Variants in MEIKIN observed in about 807,000 individuals in gnomAD.
MEIKIN encodes meiotic kinetochore factor.
At chr5:131,876,787 G>A (rs1240749496) in intron 9 of MEIKIN, among the ~76,000 whole-genome samples, 122 of 151,696 alleles carry the variant, frequency 8.0e-4, no homozygotes, top group South Asian at 3.1e-3. Context: ...AAAATGTGGC[G>A]CATATATACC....
chr5:131,940,611 T>C (rs1299610135), intron 4 of MEIKIN, among the ~76,000 whole-genome samples: 2 of 152,214 alleles, frequency 1.3e-5, no homozygotes, highest in East Asian at 1.9e-4. Context: ...TCTGAGAATC[T>C]GTTTATATGG....
intron 8 of MEIKIN, among the ~76,000 whole-genome samples, chr5:131,885,056 C>G (rs1455416824): frequency 1.3e-5 from 2 of 152,146 alleles, no homozygotes; most frequent in Non-Finnish European, 2.9e-5. Context: ...CACTCTAATT[C>G]CTGGCTCATG....
At chr5:131,811,171 A>C (rs1038719799) in intron 12 of MEIKIN, among the ~76,000 whole-genome samples, 3 of 152,126 alleles carry the variant, frequency 2.0e-5, no homozygotes, top group Admixed American at 2.0e-4. Context: ...TGTAAATTAA[A>C]CTAAAAAACT....
chr5:131,852,707 A>C (rs1750135296), intron 10 of MEIKIN, among the ~76,000 whole-genome samples: 1 of 152,154 alleles, frequency 6.6e-6, no homozygotes, highest in Non-Finnish European at 1.5e-5. Flanking sequence ...TAGGGTGATG[A>C]AAATGTTCTT....
intron 8 of MEIKIN, among the ~76,000 whole-genome samples, chr5:131,887,692 T>A (rs1484978951): frequency 6.6e-6 from 1 of 152,034 alleles, no homozygotes; most frequent in East Asian, 1.9e-4. Flanking sequence ...TTTTTTCTTG[T>A]AAATTTGTTT....
chr5:131,879,639 A>G (rs1464770416), intron 8 of MEIKIN, among the ~76,000 whole-genome samples: 1 of 152,200 alleles, frequency 6.6e-6, no homozygotes, highest in Non-Finnish European at 1.5e-5. Flanking sequence ...AGATCTGTCC[A>G]CATATACCAA....
chr5:131,816,140 C>A (rs1269123580), intron 12 of MEIKIN, among the ~76,000 whole-genome samples: 1 of 152,138 alleles, frequency 6.6e-6, no homozygotes, highest in Non-Finnish European at 1.5e-5. Flanking sequence ...AGAGTTGTAG[C>A]ATGTTAGGCA....
chr5:131,879,196 A>C (rs1750663695), intron 8 of MEIKIN, 148 bp from the exon 9 acceptor site: 2 of 390,610 alleles, frequency 5.1e-6, no homozygotes, highest in Admixed American at 8.9e-5. Context: ...CAATAATTAA[A>C]CAAGAAAAAT....
At chr5:131,825,439 G>C (rs138645942) in intron 11 of MEIKIN, among the ~76,000 whole-genome samples, 3 of 152,224 alleles carry the variant, frequency 2.0e-5, no homozygotes, top group Non-Finnish European at 4.4e-5. Flanking sequence ...AAAGACATAG[G>C]GCCAAAACAA....
intron 11 of MEIKIN, among the ~76,000 whole-genome samples, chr5:131,822,336 T>A (rs553195664): frequency 6.6e-6 from 1 of 152,290 alleles, no homozygotes; most frequent in South Asian, 2.1e-4. Flanking sequence ...TTTATTATTT[T>A]TTTTTCTGGT....
intron 11 of MEIKIN, among the ~76,000 whole-genome samples, chr5:131,848,941 T>C (rs768744304): frequency 2.0e-5 from 3 of 152,132 alleles, no homozygotes; most frequent in South Asian, 2.1e-4. Context: ...ATACCACATA[T>C]AGTAGAATGA....
At chr5:131,810,108 G>T (rs183563432) in intron 12 of MEIKIN, among the ~76,000 whole-genome samples, 332 of 152,294 alleles carry the variant, frequency 2.2e-3, no homozygotes, top group Middle Eastern at 0.02. Flanking sequence ...ATTCTTAAGT[G>T]ATTTGTACTA....
chr5:131,863,250 C>A (rs1249661679), intron 9 of MEIKIN, among the ~76,000 whole-genome samples: 1 of 152,006 alleles, frequency 6.6e-6, no homozygotes, highest in Admixed American at 6.6e-5. Flanking sequence ...ATGAGAAGAA[C>A]GTTAATATGT....
chr5:131,811,350 T>C (rs955639620), intron 12 of MEIKIN, among the ~76,000 whole-genome samples: 13 of 152,006 alleles, frequency 8.6e-5, no homozygotes, highest in East Asian at 3.9e-4. Context: ...CTTTTCTTTT[T>C]TTTTTTTTTA....
intron 4 of MEIKIN, among the ~76,000 whole-genome samples, chr5:131,941,364 G>T (rs1751868144): frequency 6.6e-6 from 1 of 151,554 alleles, no homozygotes; most frequent in South Asian, 2.1e-4. Flanking sequence ...TCACCATGTT[G>T]GCCAGGCTGG....
At chr5:131,853,288 C>T (rs755350399) in intron 10 of MEIKIN, among the ~76,000 whole-genome samples, 8 of 152,270 alleles carry the variant, frequency 5.3e-5, no homozygotes, top group Middle Eastern at 3.4e-3. Context: ...AGACCATGGA[C>T]GTTATGCATA....
intron 8 of MEIKIN, among the ~76,000 whole-genome samples, chr5:131,889,740 A>G (rs1359626407): frequency 6.6e-6 from 1 of 152,220 alleles, no homozygotes; most frequent in East Asian, 1.9e-4. Context: ...CAGAACTTCC[A>G]ACACTATGTT....
chr5:131,942,945 G>A lies in MEIKIN; in HGVS notation c.289-250C>T, dbSNP rs762391002. Among the ~76,000 whole-genome samples the A allele has an allele frequency of 7.2e-5, 11 of 152,160 alleles. No individual in the cohort carries two copies. In the South Asian group the frequency reaches 8.3e-4, roughly 11 times the overall value. ...ACAATATGCTAGTCAAGTAACTACT[G>A]TGGGATGACAGCAAATAGAAGATAG... On this transcript the variant is annotated intron_variant, in intron 3 of 12. Coordinates refer to ENST00000442687, the MANE Select transcript of MEIKIN (RefSeq NM_001303622.2).
At chr5:131,857,024 G>A (rs997790310) in intron 9 of MEIKIN, among the ~76,000 whole-genome samples, 40 of 151,322 alleles carry the variant, frequency 2.6e-4, no homozygotes, top group African/African-American at 9.5e-4. Flanking sequence ...AGTTACATAT[G>A]TATACATGTG....
Sources: allele counts gnomAD v4.1 joint callset (sites outside exome capture counted in the v4.1 genomes callset), GRCh38; gene constraint gnomAD v4.1.1; transcripts MANE v1.5; gene names NCBI Gene and HGNC (gene_info 2026-07-23, HGNC 2026-07-21).